Variants in KCNH7 observed in about 807,000 individuals in gnomAD.
KCNH7 encodes potassium voltage-gated channel subfamily H member 7, also known as voltage-gated inwardly rectifying potassium channel KCNH7.
In KCNH7, 49 loss-of-function variants were observed where a neutral mutation model predicts 120.8. The observed-to-expected ratio is 0.41, with a 90% confidence interval of 0.32 to 0.51. The LOEUF is 0.51. Ranked by LOEUF, KCNH7 falls within the 20% of genes least tolerant of loss-of-function variation. KCNH7 has a pLI of 0.38. For missense variants in KCNH7, 1,097 were observed against 1,446.6 expected (o/e 0.76, Z 3.92); for synonymous variants, 547 against 516.1 (o/e 1.06, Z -0.81).
chr2:162,505,330 T>G (rs1410609661), intron 5 of KCNH7, among the ~76,000 whole-genome samples: 1 of 151,848 alleles, frequency 6.6e-6, no homozygotes, highest in Non-Finnish European at 1.5e-5. Context: ...CTTTCACTTA[T>G]GTTTAAGTCT....
intron 2 of KCNH7, among the ~76,000 whole-genome samples, chr2:162,737,832 A>C (rs541383353): frequency 6.6e-6 from 1 of 152,100 alleles, no homozygotes; most frequent in Non-Finnish European, 1.5e-5. Context: ...TGGGAGGTAG[A>C]GGTGGGTGGA....
chr2:162,418,139 AGTGCATT>A (rs1485092088), intron 9 of KCNH7, among the ~76,000 whole-genome samples: 4 of 152,172 alleles, frequency 2.6e-5, no homozygotes, highest in Non-Finnish European at 4.4e-5. Flanking sequence ...CATCTTTTCA[AGTGCATT>A]GTGCAAAACT....
chr2:162,668,870 A>G (rs890184077), intron 2 of KCNH7, among the ~76,000 whole-genome samples: 4 of 152,238 alleles, frequency 2.6e-5, no homozygotes, highest in African/African-American at 9.6e-5. Flanking sequence ...AAACTTTAAA[A>G]TGGCTGACAA....
chr2:162,773,838 A>G (rs1164383421), intron 2 of KCNH7, among the ~76,000 whole-genome samples: 2 of 152,192 alleles, frequency 1.3e-5, no homozygotes, highest in African/African-American at 2.4e-5. Flanking sequence ...CATTGTTTAA[A>G]ATAAAAATAA....
intron 2 of KCNH7, among the ~76,000 whole-genome samples, chr2:162,823,978 C>CTA (rs1685201684): frequency 6.6e-6 from 1 of 152,104 alleles, no homozygotes; most frequent in Non-Finnish European, 1.5e-5. Flanking sequence ...ATTTCTGTAG[C>CTA]AGAGCATTAG....
At chr2:162,722,248 G>A (rs10178129) in intron 2 of KCNH7, among the ~76,000 whole-genome samples, 3 of 151,810 alleles carry the variant, frequency 2.0e-5, no homozygotes, top group Non-Finnish European at 4.4e-5. Flanking sequence ...GAAGTAAGAA[G>A]AAGAAGTCAT....
At chr2:162,587,126 A>C (rs148928349) in intron 2 of KCNH7, among the ~76,000 whole-genome samples, 1 of 152,110 alleles carries the variant, frequency 6.6e-6, no homozygotes, top group East Asian at 1.9e-4. Flanking sequence ...CCTGTAATTT[A>C]TGAATTTAAT....
intron 2 of KCNH7, among the ~76,000 whole-genome samples, chr2:162,810,160 C>T (rs1684688730): frequency 4.9e-5 from 1 of 20,404 alleles, no homozygotes; most frequent in African/African-American, 1.2e-4. Context: ...CGTGATCCGC[C>T]CGCCTCGGCC....
intron 3 of KCNH7, among the ~76,000 whole-genome samples, chr2:162,534,046 A>C (rs970296277): frequency 1.3e-5 from 2 of 151,518 alleles, no homozygotes; most frequent in Non-Finnish European, 3.0e-5. Context: ...TTCCTACTGG[A>C]AAACTAAAAA....
intron 2 of KCNH7, among the ~76,000 whole-genome samples, chr2:162,774,930 C>T (rs1445697364): frequency 6.6e-6 from 1 of 152,032 alleles, no homozygotes; most frequent in African/African-American, 2.4e-5. Context: ...TTTATATGTA[C>T]AATCTGTAAC....
At chr2:162,803,341 A>C (rs1446710129) in intron 2 of KCNH7, among the ~76,000 whole-genome samples, 1 of 151,834 alleles carries the variant, frequency 6.6e-6, no homozygotes, top group Non-Finnish European at 1.5e-5. Flanking sequence ...ATGATAAACT[A>C]ATCATGTCTA....
chr2:162,832,921 C>T (rs1020020476), intron 2 of KCNH7, among the ~76,000 whole-genome samples: 7 of 152,038 alleles, frequency 4.6e-5, no homozygotes, highest in Non-Finnish European at 1.0e-4. Flanking sequence ...CCCTCAGTCC[C>T]TTATCATTCT....
At chr2:162,819,828 A>C (rs1289583547) in intron 2 of KCNH7, among the ~76,000 whole-genome samples, 1 of 152,156 alleles carries the variant, frequency 6.6e-6, no homozygotes, top group Non-Finnish European at 1.5e-5. Context: ...GGCTAAACTG[A>C]AAATAATTCC....
At chr2:162,418,515 G>A (rs192534415) in intron 9 of KCNH7, among the ~76,000 whole-genome samples, 3 of 152,168 alleles carry the variant, frequency 2.0e-5, no homozygotes, top group South Asian at 2.1e-4. Context: ...TGTTTTCATC[G>A]GAGTTGCTGA....
At chr2:162,756,856 C>A (rs1302896545) in intron 2 of KCNH7, among the ~76,000 whole-genome samples, 1 of 152,128 alleles carries the variant, frequency 6.6e-6, no homozygotes, top group Admixed American at 6.6e-5. Flanking sequence ...AAGTGAGATT[C>A]GCTTTTAGAT....
chr2:162,487,151 A>G (rs1393081743), intron 6 of KCNH7, among the ~76,000 whole-genome samples: 1 of 152,202 alleles, frequency 6.6e-6, no homozygotes, highest in Non-Finnish European at 1.5e-5. Context: ...TGATCGTGTT[A>G]ATACGAATTC....
At chr2:162,833,286 A>ATT (rs980960943) in intron 2 of KCNH7, among the ~76,000 whole-genome samples, 2 of 35,658 alleles carry the variant, frequency 5.6e-5, no homozygotes, top group East Asian at 1.1e-3. Context: ...TAACTAAAAT[A>ATT]TTTTTTTTTT....
chr2:162,491,014 A>G (rs1690284031), intron 6 of KCNH7, among the ~76,000 whole-genome samples: 1 of 152,030 alleles, frequency 6.6e-6, no homozygotes, highest in Admixed American at 6.5e-5. Context: ...CCACACACAT[A>G]TGCTGCGTTC....
At chr2:162,704,959 G>A (rs1686642811) in intron 2 of KCNH7, among the ~76,000 whole-genome samples, 1 of 152,092 alleles carries the variant, frequency 6.6e-6, no homozygotes, top group Admixed American at 6.6e-5. Flanking sequence ...AAACTTAAAA[G>A]AAATGAATTA....
Sources: gnomAD v4.1 joint callset for allele counts (sites outside exome capture counted in the v4.1 genomes callset) on GRCh38, gnomAD v4.1.1 for gene constraint, MANE v1.5 for transcripts, NCBI Gene and HGNC (gene_info 2026-07-23, HGNC 2026-07-21) for gene names.